The following KCTD1 variants were observed in gnomAD, a reference collection of about 807,000 sequenced individuals.
The protein encoded by KCTD1 is potassium channel tetramerization domain containing 1.
In KCTD1, 24 loss-of-function variants were observed where a neutral mutation model predicts 66.0. The ratio of observed to expected loss-of-function variants is 0.36; its 90% confidence interval spans 0.26 to 0.51. The LOEUF (loss-of-function observed/expected upper bound fraction) is 0.51, where lower values mean the gene tolerates loss of function less well. Among genes scored for constraint, KCTD1 ranks in the 20% least tolerant of loss-of-function variants. The pLI is 0.95. For synonymous variants in KCTD1, 511 were observed against 517.2 expected (o/e 0.99, Z 0.16); for missense variants, 943 against 1,205.2 (o/e 0.78, Z 3.22).
chr18:26,629,822 A>T (rs1251190890), upstream of KCTD1, among the ~76,000 whole-genome samples: 1 of 150,614 alleles, frequency 6.6e-6, no homozygotes, highest in Non-Finnish European at 1.5e-5. Flanking sequence ...GGTTCAAGTG[A>T]TTCTCCCACC....
At chr18:26,537,204 CTCTT>C (rs1984750779) in intron 1 of KCTD1, among the ~76,000 whole-genome samples, 1 of 152,104 alleles carries the variant, frequency 6.6e-6, no homozygotes, top group Admixed American at 6.5e-5. Context: ...TTCAGCAAGT[CTCTT>C]TTTTTTCTGG....
chr18:26,561,476 A>G (rs1004042321), intron 1 of KCTD1, among the ~76,000 whole-genome samples: 1 of 152,100 alleles, frequency 6.6e-6, no homozygotes, highest in Admixed American at 6.5e-5. Flanking sequence ...TATTGTAGAT[A>G]TATGTTCTGG....
intron 1 of KCTD1, among the ~76,000 whole-genome samples, chr18:26,513,110 C>T (rs1450509072): frequency 7.8e-6 from 1 of 127,608 alleles, no homozygotes; most frequent in Admixed American, 8.2e-5. Flanking sequence ...TTTTTTGAGA[C>T]GTAGTCTCGC....
At position 26,468,994 on chromosome 18, in the gene KCTD1, T is replaced by A. The variant is rs997716781; in HGVS notation, c.2133+7521A>T. On this transcript the variant is annotated intron_variant, in intron 3 of 4. Coordinates refer to ENST00000580059, the MANE Select transcript of KCTD1 (RefSeq NM_001142730.3). This position sits in a 1 kb window ranked among gnomAD's most constrained non-coding sequence, Gnocchi z 4.8. Reference sequence around the variant, plus strand: ...TATTTGTGACTCCTGTAAACTGCACTGCTCCTGCTGATGCAATTCCATCAC... The same window carrying A: ...TATTTGTGACTCCTGTAAACTGCACAGCTCCTGCTGATGCAATTCCATCAC... 6.6e-6 allele frequency among the ~76,000 whole-genome samples: 1 copy of A among 152,176 alleles called. No individual in the cohort carries two copies. Among genetic ancestry groups the A allele is most frequent in the Admixed American group, 6.5e-5 (1 of 15,284 alleles).
At chr18:26,507,300 C>T (rs1983092149) in intron 1 of KCTD1, among the ~76,000 whole-genome samples, 1 of 151,982 alleles carries the variant, frequency 6.6e-6, no homozygotes, top group Non-Finnish European at 1.5e-5. Flanking sequence ...ATTTGGAAGC[C>T]CAAATTATGA....
chr18:26,471,014 C>G (rs571691390), intron 3 of KCTD1, among the ~76,000 whole-genome samples: 1 of 152,114 alleles, frequency 6.6e-6, no homozygotes, highest in Non-Finnish European at 1.5e-5. Flanking sequence ...GGATGTGGTG[C>G]TTTGCTCTGT....
chr18:26,611,935 T>G (rs1359924522), intron 1 of KCTD1, among the ~76,000 whole-genome samples: 1 of 152,154 alleles, frequency 6.6e-6, no homozygotes, highest in African/African-American at 2.4e-5. Context: ...GGCTCTGGAG[T>G]AGTGCTTAGC....
intron 2 of KCTD1, among the ~76,000 whole-genome samples, chr18:26,495,463 CAT>C (rs1007741003): frequency 2.6e-5 from 4 of 152,158 alleles, no homozygotes; most frequent in Admixed American, 6.5e-5. Context: ...GCAGAGCACA[CAT>C]GTTTGGCATC....
rs150994263 is a variant in KCTD1 at position 26,486,847 on chromosome 18, C to T, written c.1989-10188G>A. ...CCAGCTATATCTATTTTCAATTTAA[C>T]AATTTTTCCCACTTGCAATCATGCC... On this transcript the variant is annotated intron_variant, in intron 2 of 4. Transcript: ENST00000580059. Among the ~76,000 whole-genome samples, 292 of 152,300 alleles carry T rather than the reference C, an allele frequency of 1.9e-3. 2 individuals are homozygous for T. Among genetic ancestry groups the T allele is most frequent in the Non-Finnish European group, 3.5e-3 (237 of 68,026 alleles).
intron 1 of KCTD1, among the ~76,000 whole-genome samples, chr18:26,537,677 G>C (rs563146878): frequency 1.3e-5 from 2 of 152,268 alleles, no homozygotes; most frequent in South Asian, 4.1e-4. Flanking sequence ...CATAACACAG[G>C]CTCTAGCCAA....
chr18:26,481,506 G>A (rs913729119), intron 2 of KCTD1, among the ~76,000 whole-genome samples: 6 of 152,330 alleles, frequency 3.9e-5, no homozygotes, highest in Admixed American at 2.0e-4. Context: ...GCAGAAGCCA[G>A]ATCGTAAAAA....
intron 1 of KCTD1, among the ~76,000 whole-genome samples, chr18:26,516,110 G>A (rs775754755): frequency 4.6e-5 from 7 of 151,944 alleles, no homozygotes; most frequent in Admixed American, 2.6e-4. Flanking sequence ...AAGGGAAGGG[G>A]AGCAGGAAGT....
intron 1 of KCTD1, among the ~76,000 whole-genome samples, chr18:26,518,128 T>C (rs1473672074): frequency 6.6e-6 from 1 of 152,188 alleles, no homozygotes; most frequent in Admixed American, 6.5e-5. Context: ...AACATTAATA[T>C]GGAATTCCAG....
At chr18:26,489,950 G>A (rs1044529419) in intron 2 of KCTD1, among the ~76,000 whole-genome samples, 1 of 152,140 alleles carries the variant, frequency 6.6e-6, no homozygotes, top group Non-Finnish European at 1.5e-5. Flanking sequence ...TATTATAAAA[G>A]TTCTTTCTGG....
chr18:26,501,089 G>T lies in KCTD1; in HGVS notation c.1971C>A (p.Thr657=), dbSNP rs1178904572. The change falls in exon 2 of 5, where the codon ACC becomes ACA. Residue 657 remains threonine, a synonymous_variant. Coordinates refer to ENST00000580059, the MANE Select transcript of KCTD1 (RefSeq NM_001142730.3). ...HMYTSSLATL[T]KYPESRIGRL... ...CAGATTACCTGGATTCAGGGTATTT[G>T]GTGAGGGTGGCCAGGCTGCTGGTGT... The T allele has an allele frequency of 6.8e-6, 11 of 1,613,666 alleles. No homozygotes were observed. Among genetic ancestry groups the T allele is most frequent in the Non-Finnish European group, 8.5e-6 (10 of 1,179,752 alleles).
rs1598922438 is a variant in KCTD1, at chr18:26,532,255, TTCC to T, written c.1809+14470_1809+14472del. On this transcript the variant is annotated intron_variant, in intron 1 of 4. Transcript: ENST00000580059. The stretch of plus-strand genomic sequence containing the variant: ...TTTATTCTTTTTCTTTTTCTTTTCT[TTCC>T]TTCTTTTTTTTTTTTTTTTTTTTTT... Among the ~76,000 whole-genome samples the T allele has an allele frequency of 1.0e-4, 7 of 69,190 alleles. No individual in the cohort carries two copies. In the East Asian group the frequency reaches 3.1e-3, roughly 31 times the overall value. The allele number at this position is 69,190 out of a possible 152,430, so 45.4% of individuals were successfully genotyped here.
In KCTD1 at chr18:26,501,191, G is replaced by A; in HGVS notation, c.1869C>T (p.Asn623=). Residue 623 remains asparagine (N), a synonymous_variant, in exon 2 of 5, where the codon AAC becomes AAT. Coordinates refer to ENST00000580059, the MANE Select transcript of KCTD1 (RefSeq NM_001142730.3). ...GTGCTGGAGTAGGGATGCCTTGGTT[G>A]TTCAGTGGAGATGCAGGGGATCTAG... ...LITRSPASPL[N]NQGIPTPAQL... is the part of the protein sequence containing the mutation. 6.2e-7 allele frequency: 1 copy of A among 1,614,202 alleles called. No homozygotes were observed. The highest frequency in any genetic ancestry group is 1.1e-5 in the South Asian group (1 of 91,078).
chr18:26,622,079 T>G (rs1358471970), intron 1 of KCTD1, among the ~76,000 whole-genome samples: 1 of 152,206 alleles, frequency 6.6e-6, no homozygotes, highest in East Asian at 1.9e-4. Context: ...TGGGACATAT[T>G]TTTCTTATTT....
chr18:26,501,704 C>T (rs1364369209), intron 1 of KCTD1, among the ~76,000 whole-genome samples: 3 of 152,246 alleles, frequency 2.0e-5, no homozygotes, highest in Non-Finnish European at 4.4e-5. Flanking sequence ...AGACCTCTGA[C>T]ACCTGTGTTC....
Sources: allele counts gnomAD v4.1 joint callset (sites outside exome capture counted in the v4.1 genomes callset), GRCh38; gene constraint gnomAD v4.1.1; non-coding constraint Gnocchi (gnomAD v3.1); transcripts MANE v1.5; gene names NCBI Gene and HGNC (gene_info 2026-07-23, HGNC 2026-07-21).